CPOX: variants seen among roughly 807,000 people sequenced by gnomAD.
CPOX encodes the protein coproporphyrinogen oxidase, also known as oxygen-dependent coproporphyrinogen-III oxidase, mitochondrial.
Under a neutral mutation model 48.9 loss-of-function variants are expected in CPOX, and 24 were observed. That is an observed-to-expected ratio of 0.49 (90% CI 0.36 to 0.69). The LOEUF is 0.69. Among genes scored for constraint, CPOX ranks in the 30% least tolerant of loss-of-function variants. The pLI is 0.00. For missense variants in CPOX, 549 were observed against 597.3 expected, an observed-to-expected ratio of 0.92 and a Z score of 0.84; for synonymous variants, 249 against 234.6, an observed-to-expected ratio of 1.06 and a Z score of -0.56.
At chr3:98,587,044 A>G (rs182334439) in intron 4 of CPOX, among the ~76,000 whole-genome samples, 141 of 152,358 alleles carry the variant, frequency 9.3e-4, no homozygotes, top group African/African-American at 2.6e-3. Context: ...TTCTTTTGAT[A>G]ATCTCTGCAT....
intron 5 of CPOX, among the ~76,000 whole-genome samples, chr3:98,584,282 G>A (rs148613915): frequency 1.9e-3 from 290 of 152,206 alleles, no homozygotes; most frequent in African/African-American, 6.5e-3. Flanking sequence ...TACAGCCACC[G>A]GGTAGCCAAG....
At chr3:98,583,977 C>T (rs1707308871) in intron 5 of CPOX, among the ~76,000 whole-genome samples, 1 of 152,144 alleles carries the variant, frequency 6.6e-6, no homozygotes, top group Non-Finnish European at 1.5e-5. Context: ...ATCTACTACC[C>T]CACAGTTCTG....
intron 4 of CPOX, among the ~76,000 whole-genome samples, chr3:98,587,033 G>A (rs979722541): frequency 3.9e-5 from 6 of 152,144 alleles, no homozygotes; most frequent in Admixed American, 2.0e-4. Context: ...CCTAAAAGTA[G>A]TTCTTTTGAT....
chr3:98,587,539 T>C (rs1038479781), intron 4 of CPOX, among the ~76,000 whole-genome samples: 1 of 149,614 alleles, frequency 6.7e-6, no homozygotes, highest in Admixed American at 6.7e-5. Flanking sequence ...CAACATCACA[T>C]GGTGGGGGGC....
chr3:98,581,616 A>G, intron 5 of CPOX, 105 bp from the exon 6 acceptor site: 1 of 861,184 alleles, frequency 1.2e-6, no homozygotes, highest in Non-Finnish European at 1.9e-6. Flanking sequence ...CCCAGTTCCC[A>G]TCAGCTGGAA....
chr3:98,573,833 A>T, the CPOX span, among the ~76,000 whole-genome samples: 1 of 152,176 alleles, frequency 6.6e-6, no homozygotes, highest in Non-Finnish European at 1.5e-5. Context: ...TTCTATTTGG[A>T]AACAACCATT....
intron 4 of CPOX, among the ~76,000 whole-genome samples, chr3:98,587,928 C>A (rs937915158): frequency 2.6e-5 from 4 of 152,094 alleles, no homozygotes; most frequent in Non-Finnish European, 4.4e-5. Flanking sequence ...AAACAAAAAA[C>A]CAGTATCTGC....
chr3:98,588,466 G>A lies in CPOX; in HGVS notation c.953+247C>T, dbSNP rs112965628. On this transcript the variant is annotated intron_variant, in intron 4 of 6. Transcript: ENST00000647941. ...ATTCTCAAGCATAGATGACCTTATAGTTTATAGTCTACCATTCTAAATCAT... is the reference window on the plus strand; with the variant it reads ...ATTCTCAAGCATAGATGACCTTATAATTTATAGTCTACCATTCTAAATCAT... Among the ~76,000 whole-genome samples, 955 of 152,136 alleles carry A rather than the reference G, an allele frequency of 6.3e-3. 9 individuals carry two copies. Among genetic ancestry groups the A allele is most frequent in the African/African-American group, 0.022 (896 of 41,526 alleles).
chr3:98,586,552 C>G (rs1368871933), intron 4 of CPOX, among the ~76,000 whole-genome samples: 1 of 152,114 alleles, frequency 6.6e-6, no homozygotes, highest in Admixed American at 6.6e-5. Context: ...TATGTCATAT[C>G]AGACATATGA....
rs183468820 is a variant in CPOX, at chr3:98,584,055, G to A, written c.1172+1386C>T. Among the ~76,000 whole-genome samples the A allele has an allele frequency of 9.6e-4, 146 of 152,226 alleles. 1 individual carries two copies. The highest frequency in any genetic ancestry group is 1.7e-3 in the African/African-American group (70 of 41,524). On this transcript the variant is annotated intron_variant, in intron 5 of 6. Transcript: ENST00000647941. Reference sequence around the variant, plus strand: ...CTTTCAGAATGATCTGCCATCAAACGATGTATAAAAAACAAAACAAAACCG... The same window carrying A: ...CTTTCAGAATGATCTGCCATCAAACAATGTATAAAAAACAAAACAAAACCG...
chr3:98,580,142 G>T lies in CPOX; in HGVS notation c.*541C>A. ...TTCTAAATACCTATTAGAAAAATGT[G>T]TATCTATTTGACAATATTATGTTCT... On this transcript the variant is annotated 3_prime_UTR_variant, in exon 7 of 7. Transcript: ENST00000647941. 1 of 977,516 alleles carries T rather than the reference G, an allele frequency of 1.0e-6. No homozygotes were observed. Among genetic ancestry groups the T allele is most frequent in the South Asian group, 4.7e-5 (1 of 21,144 alleles). The allele number at this position is 977,516 out of a possible 1,614,324, so 60.6% of individuals were successfully genotyped here.
At chr3:98,590,842 G>A (rs1347077438) in intron 2 of CPOX, 100 bp from the exon 3 acceptor site, 1 of 1,244,144 alleles carries the variant, frequency 8.0e-7, no homozygotes, top group Non-Finnish European at 1.2e-6. Context: ...TTCAAAAGCT[G>A]CTTTTTAATT....
intron 4 of CPOX, 121 bp downstream of exon 4, chr3:98,588,592 C>G (rs1033838016): frequency 7.9e-6 from 8 of 1,010,094 alleles, no homozygotes; most frequent in Non-Finnish European, 9.3e-6. Context: ...TTCTGATGAG[C>G]AAAGTAAGAA....
At chr3:98,587,129 C>T (rs1157513824) in intron 4 of CPOX, among the ~76,000 whole-genome samples, 3 of 152,006 alleles carry the variant, frequency 2.0e-5, no homozygotes, top group Non-Finnish European at 4.4e-5. Context: ...AATACAGCTT[C>T]AATTGCTTAA....
chr3:98,589,012 C>T (rs982661171), intron 3 of CPOX, among the ~76,000 whole-genome samples, 158 bp from the exon 4 acceptor site: 10 of 152,088 alleles, frequency 6.6e-5, no homozygotes, highest in African/African-American at 2.2e-4. Context: ...CCAGTAAGGC[C>T]TAGGCAGAAA....
At chr3:98,580,881 T>C in intron 6 of CPOX, 111 bp from the exon 7 acceptor site, 2 of 1,200,784 alleles carry the variant, frequency 1.7e-6, no homozygotes, top group Admixed American at 2.5e-5. Flanking sequence ...AAAAAAGCCT[T>C]ATACTTCTTT....
chr3:98,593,472 G>C lies in CPOX; in HGVS notation c.33C>G (p.Gly11=), dbSNP rs60690253. ...CGCCCCGCGCCACGAGCCAGCAGGG[G>C]CCCGAGCTCAGCCTGCCCAGCTGCA... The part of the protein sequence containing the change: MALQLGRLSS[G]PCWLVARGGC... Residue 11 remains glycine, a synonymous_variant, in exon 1 of 7, where the codon GGC becomes GGG. Transcript: ENST00000647941. 9.2e-6 allele frequency: 14 copies of C among 1,513,514 alleles called. No homozygotes were observed. Among genetic ancestry groups the C allele is most frequent in the Non-Finnish European group, 1.2e-5 (14 of 1,137,630 alleles). 93.8% of individuals were successfully genotyped at this position (1,513,514 alleles called of 1,614,324 possible).
rs1707414931 is a variant in CPOX at position 98,588,760 on chromosome 3, C to T, written c.906G>A (p.Glu302=). The T allele has an allele frequency of 6.2e-7, 1 of 1,614,014 alleles. No homozygotes were observed. Among genetic ancestry groups the T allele is most frequent in the African/African-American group, 1.3e-5 (1 of 74,916 alleles). The change falls in exon 4 of 7, where the codon GAG becomes GAA. Residue 302 remains glutamate (E), a synonymous_variant. Transcript: ENST00000647941. The part of the protein sequence containing the change: ...DAVHFHRTLK[E]ACDQHGPDLY... ...GATCTGGACCATGCTGGTCACAAGC[C>T]TCCTTCAGAGTTCTGTGAAAATGGA...
rs1707461947 is a variant in CPOX at position 98,590,680 on chromosome 3, G to A, written c.763C>T (p.Pro255Ser). ...TATCTGTAGTTGAAATGGATAGTAGGAGCATGAGGATTCTTGGGGTGGATA... is the reference window on the plus strand; with the variant it reads ...TATCTGTAGTTGAAATGGATAGTAGAAGCATGAGGATTCTTGGGGTGGATA... ...SVIHPKNPHAPTIHFNYRYFE... is the reference protein window; with the variant it reads ...SVIHPKNPHASTIHFNYRYFE... The change falls in exon 3 of 7, where the codon CCT becomes TCT. Residue 255 changes from proline to serine, a missense_variant. Physicochemically the swap from Pro to Ser is moderately conservative, Grantham distance 74. Coordinates refer to ENST00000647941, the MANE Select transcript of CPOX (RefSeq NM_000097.7). 3 of 1,614,040 alleles carry A rather than the reference G, an allele frequency of 1.9e-6. No homozygotes were observed. The highest frequency in any genetic ancestry group is 2.5e-6 in the Non-Finnish European group (3 of 1,179,960).
Sources: allele counts gnomAD v4.1 joint callset (sites outside exome capture counted in the v4.1 genomes callset), GRCh38; gene constraint gnomAD v4.1.1; transcripts MANE v1.5; gene names NCBI Gene and HGNC (gene_info 2026-07-23, HGNC 2026-07-21).